The following PLCB4 variants were observed in gnomAD, a reference collection of about 807,000 sequenced individuals.
PLCB4 encodes 1-phosphatidylinositol 4,5-bisphosphate phosphodiesterase beta-4.
PLCB4 carries 77 observed loss-of-function variants against 178.8 expected under a neutral mutation model. The observed-to-expected ratio is 0.43, with a 90% CI of 0.36 to 0.52. PLCB4 has a LOEUF of 0.52. Among genes scored for constraint, PLCB4 ranks in the 20% least tolerant of loss-of-function variants. PLCB4 has a pLI of 0.00. For missense variants in PLCB4, 1,024 were observed against 1,453.4 expected (o/e 0.70, Z 4.80); for synonymous variants, 496 against 490.8 (o/e 1.01, Z -0.14).
At chr20:9,246,814 A>G (rs975240883) in intron 3 of PLCB4, among the ~76,000 whole-genome samples, 9 of 152,132 alleles carry the variant, frequency 5.9e-5, no homozygotes, top group African/African-American at 2.2e-4. Context: ...TTAGTTGCTT[A>G]GGGGAGTCTT....
chr20:9,211,921 T>C (rs2093677197), intron 2 of PLCB4, among the ~76,000 whole-genome samples: 1 of 152,176 alleles, frequency 6.6e-6, no homozygotes, highest in South Asian at 2.1e-4. Context: ...TCATGGACCA[T>C]TAGTGGGAGA....
rs1238307232 is a variant in PLCB4, at chr20:9,224,265, G to A, written c.-16+6813G>A. Among the ~76,000 whole-genome samples, 5 of 152,288 alleles carry A rather than the reference G, an allele frequency of 3.3e-5. 1 individual carries two copies. In the East Asian group the frequency reaches 9.7e-4, roughly 29 times the overall value. On this transcript the variant is annotated intron_variant, in intron 3 of 39. Transcript: ENST00000378473. The stretch of plus-strand genomic sequence containing the variant: ...GTGCTCTGGGAGCGCTGTGGTATGA[G>A]CACAGCTTTCATTCCCGGGCACCCT...
chr20:9,143,211 G>A (rs1208802334), intron 2 of PLCB4, among the ~76,000 whole-genome samples: 1 of 152,108 alleles, frequency 6.6e-6, no homozygotes, highest in African/African-American at 2.4e-5. Context: ...ACCATTGGCT[G>A]ACTCGTTTGT....
chr20:9,184,580 G>T (rs2093299392), intron 2 of PLCB4, among the ~76,000 whole-genome samples: 1 of 141,960 alleles, frequency 7.0e-6, no homozygotes, highest in Admixed American at 7.2e-5. Context: ...TTTGAGGGTG[G>T]TGACCCAGCA....
intron 1 of PLCB4, among the ~76,000 whole-genome samples, chr20:9,094,630 C>T (rs73609407): frequency 0.022 from 3,333 of 152,220 alleles, 113 homozygotes; most frequent in African/African-American, 0.074. Context: ...ATGGCAGTTT[C>T]GTTTCATCCA....
intron 15 of PLCB4, 135 bp from the exon 16 acceptor site, chr20:9,389,744 A>G: frequency 1.7e-6 from 1 of 591,178 alleles, no homozygotes. Context: ...AGAGGTGTCA[A>G]GGTAGATGGG....
At chr20:9,228,936 AC>A (rs2093900022) in intron 3 of PLCB4, among the ~76,000 whole-genome samples, 1 of 152,048 alleles carries the variant, frequency 6.6e-6, no homozygotes, top group Admixed American at 6.6e-5. Flanking sequence ...AACAGGCCTG[AC>A]TCGGGCCAGC....
intron 2 of PLCB4, among the ~76,000 whole-genome samples, chr20:9,122,663 A>G (rs1291413724): frequency 3.3e-5 from 5 of 152,180 alleles, no homozygotes; most frequent in Non-Finnish European, 4.4e-5. Context: ...TGATGCAGGC[A>G]GTTAAAAATC....
chr20:9,416,394 T>C (rs958326242), intron 25 of PLCB4, among the ~76,000 whole-genome samples: 2 of 152,164 alleles, frequency 1.3e-5, no homozygotes, highest in African/African-American at 2.4e-5. Context: ...CAGTCCTGTA[T>C]TCATCCAAGT....
intron 7 of PLCB4, among the ~76,000 whole-genome samples, chr20:9,344,399 A>G (rs1297249235): frequency 7.2e-5 from 11 of 152,128 alleles, no homozygotes; most frequent in African/African-American, 2.7e-4. Context: ...ATATCCATTT[A>G]TTCATTTATT....
intron 3 of PLCB4, among the ~76,000 whole-genome samples, chr20:9,221,125 G>A (rs1349115537): frequency 1.3e-5 from 2 of 152,110 alleles, no homozygotes; most frequent in African/African-American, 4.8e-5. Flanking sequence ...GGAAGGGAAA[G>A]GGAAGAAGCC....
At position 9,407,941 on chromosome 20, in the gene PLCB4, C is replaced by G. The variant is rs1187169692; in HGVS notation, c.1672C>G (p.Gln558Glu). Residue 558 changes from glutamine to glutamate, a missense_variant, in exon 22 of 40, where the codon CAG (glutamine) becomes GAG (glutamate). By Grantham distance (29) the Gln-to-Glu change is conservative (BLOSUM62 2). This residue lies in a region of PLCB4 where 263 missense variants were observed against 417.4 expected (regional missense o/e 0.63). Transcript: ENST00000378473. ...GGGCCTGGTCACTGTAGAAGATGAG[C>G]AGGCGTGGATGGCATCTTATAAATA... ...KKGLVTVEDEQAWMASYKYVG... is the reference protein window; with the variant it reads ...KKGLVTVEDEEAWMASYKYVG... The G allele has an allele frequency of 1.2e-6, 2 of 1,613,258 alleles. No homozygotes were observed. Among genetic ancestry groups the G allele is most frequent in the Non-Finnish European group, 1.7e-6 (2 of 1,179,600 alleles).
chr20:9,181,293 G>C (rs1054842022), intron 2 of PLCB4, among the ~76,000 whole-genome samples: 2 of 152,086 alleles, frequency 1.3e-5, no homozygotes, highest in Non-Finnish European at 2.9e-5. Flanking sequence ...TGAGGCTCAG[G>C]GTACCAAGCA....
At chr20:9,123,168 G>C (rs2092013933) in intron 2 of PLCB4, among the ~76,000 whole-genome samples, 1 of 152,016 alleles carries the variant, frequency 6.6e-6, no homozygotes, top group South Asian at 2.1e-4. Context: ...GAGAAGGATG[G>C]AAATTGGAGA....
At chr20:9,386,154 G>A (rs1217367553) in intron 14 of PLCB4, among the ~76,000 whole-genome samples, 7 of 152,070 alleles carry the variant, frequency 4.6e-5, no homozygotes, top group African/African-American at 7.2e-5. Flanking sequence ...TTGGCAGGCC[G>A]AGGCAGGAGA....
intron 12 of PLCB4, among the ~76,000 whole-genome samples, chr20:9,379,459 T>A (rs1010396972): frequency 6.6e-6 from 1 of 152,164 alleles, no homozygotes; most frequent in Non-Finnish European, 1.5e-5. Context: ...ACTGATTAAT[T>A]TTCATCATTA....
At chr20:9,180,751 G>A (rs763704893) in intron 2 of PLCB4, among the ~76,000 whole-genome samples, 3 of 152,100 alleles carry the variant, frequency 2.0e-5, no homozygotes, top group East Asian at 1.9e-4. Context: ...GGACTTTCAG[G>A]TGCAAATTTT....
intron 3 of PLCB4, among the ~76,000 whole-genome samples, chr20:9,270,533 A>C (rs1217498922): frequency 1.3e-5 from 2 of 152,102 alleles, no homozygotes; most frequent in African/African-American, 4.8e-5. Context: ...TCAGTATTCC[A>C]TTGTGTGTAT....
intron 26 of PLCB4, among the ~76,000 whole-genome samples, chr20:9,420,268 T>C (rs964298369): frequency 6.6e-6 from 1 of 152,178 alleles, no homozygotes; most frequent in Admixed American, 6.5e-5. Context: ...CAAATGTTTA[T>C]CATCTTAATT....
Sources: allele counts gnomAD v4.1 joint callset (sites outside exome capture counted in the v4.1 genomes callset), GRCh38; gene constraint gnomAD v4.1.1; regional missense constraint gnomAD v4.1.1; transcripts MANE v1.5; gene names NCBI Gene and HGNC (gene_info 2026-07-23, HGNC 2026-07-21).